Variants in CLIC6 observed in about 807,000 individuals in gnomAD.
CLIC6 encodes the protein CLIC family member 6, also known as chloride intracellular channel protein 6.
In CLIC6, 39 loss-of-function variants were observed where a neutral mutation model predicts 49.2. That is an observed-to-expected ratio of 0.79 (90% CI 0.61 to 1.04). CLIC6 has a LOEUF of 1.04. Ranked by LOEUF, CLIC6 falls within the 50% of genes least tolerant of loss-of-function variation. The pLI is 0.00. For missense variants in CLIC6, 988 were observed against 993.1 expected, an observed-to-expected ratio of 0.99 and a Z score of 0.07; for synonymous variants, 446 against 433.4, an observed-to-expected ratio of 1.03 and a Z score of -0.36.
At chr21:34,707,601 C>T (rs1267692911) in intron 2 of CLIC6, among the ~76,000 whole-genome samples, 4 of 152,090 alleles carry the variant, frequency 2.6e-5, no homozygotes, top group African/African-American at 7.2e-5. Flanking sequence ...TTGGGGGTGC[C>T]GTGAAGAACC....
Position 34,694,950 on chromosome 21 carries a change from G to A in CLIC6, c.1375-12330G>A, listed in dbSNP as rs146073817. 1.8e-3 allele frequency among the ~76,000 whole-genome samples: 277 copies of A among 152,358 alleles called. 1 individual carries two copies. The highest frequency in any genetic ancestry group is 6.3e-3 in the African/African-American group (260 of 41,576). ...TGATGAGTAGTTGACCTGCTGAACT[G>A]TGCTGGGGAAAAGTTGAGGATTCCC... On this transcript the variant is annotated intron_variant, in intron 1 of 5. Coordinates refer to ENST00000349499, the MANE Select transcript of CLIC6 (RefSeq NM_053277.3).
At chr21:34,714,307 A>G (rs1226365126) in intron 5 of CLIC6, among the ~76,000 whole-genome samples, 1 of 152,244 alleles carries the variant, frequency 6.6e-6, no homozygotes, top group Non-Finnish European at 1.5e-5. Flanking sequence ...CATTGGAAGG[A>G]GGATAATACA....
At chr21:34,714,350 T>C (rs1204865143) in intron 5 of CLIC6, among the ~76,000 whole-genome samples, 1 of 152,118 alleles carries the variant, frequency 6.6e-6, no homozygotes, top group Non-Finnish European at 1.5e-5. Flanking sequence ...ATACATAAAT[T>C]CCCTCATTTG....
intron 5 of CLIC6, among the ~76,000 whole-genome samples, chr21:34,715,619 A>G (rs2056081404): frequency 6.6e-6 from 1 of 152,240 alleles, no homozygotes; most frequent in Non-Finnish European, 1.5e-5. Flanking sequence ...AAACTGGTAC[A>G]GTCCCCAGTG....
chr21:34,672,961 C>T (rs193111799), intron 1 of CLIC6, among the ~76,000 whole-genome samples: 225 of 152,298 alleles, frequency 1.5e-3, no homozygotes, highest in Admixed American at 1.7e-3. Flanking sequence ...CTGTGCTGCT[C>T]GCATAACTTG....
At chr21:34,707,468 C>CACACCT (rs1184239105) in intron 2 of CLIC6, 79 bp downstream of exon 2, 36 of 888,040 alleles carry the variant, frequency 4.1e-5, no homozygotes, top group Non-Finnish European at 7.3e-6. Context: ...CACACACACA[C>CACACCT]ACCTGAGGCC....
intron 1 of CLIC6, among the ~76,000 whole-genome samples, chr21:34,699,935 G>A (rs2145812805): frequency 6.6e-6 from 1 of 152,190 alleles, no homozygotes; most frequent in Admixed American, 6.5e-5. Context: ...GGTAGGACTG[G>A]GCATGATGTT....
In CLIC6 at chr21:34,709,549, C is replaced by T; in HGVS notation, c.1899+11C>T. The T allele has an allele frequency of 6.2e-7, 1 of 1,612,466 alleles. No individual in the cohort carries two copies. The highest frequency in any genetic ancestry group is 8.5e-7 in the Non-Finnish European group (1 of 1,178,770). On this transcript the variant is annotated intron_variant, in intron 5 of 5. Coordinates refer to ENST00000349499, the MANE Select transcript of CLIC6 (RefSeq NM_053277.3). ...CTCCATATTATTAAGGTTCATCTTC[C>T]CTCCCGACACGTGTGCCGAGTACAC...
At chr21:34,693,975 CTTTTTT>C (rs71196904) in intron 1 of CLIC6, among the ~76,000 whole-genome samples, 3,757 of 124,612 alleles carry the variant, frequency 0.03, 67 homozygotes, top group Non-Finnish European at 0.042. Flanking sequence ...TTGTTGTTTT[CTTTTTT>C]TTTTTTTTTT....
At chr21:34,680,760 C>T (rs930486422) in intron 1 of CLIC6, among the ~76,000 whole-genome samples, 1 of 152,192 alleles carries the variant, frequency 6.6e-6, no homozygotes, top group Non-Finnish European at 1.5e-5. Flanking sequence ...TTCCCCATCC[C>T]CATTTGAGAC....
chr21:34,696,906 C>T (rs1304297353), intron 1 of CLIC6, among the ~76,000 whole-genome samples: 2 of 152,000 alleles, frequency 1.3e-5, no homozygotes, highest in African/African-American at 2.4e-5. Flanking sequence ...ATGTATGAAT[C>T]GATACTGATC....
chr21:34,709,072 C>T (rs1294664070), intron 4 of CLIC6, among the ~76,000 whole-genome samples: 2 of 152,218 alleles, frequency 1.3e-5, no homozygotes, highest in African/African-American at 4.8e-5. Flanking sequence ...GAATCATGTT[C>T]AATGATGTTT....
At chr21:34,709,170 C>A (rs1490156631) in intron 4 of CLIC6, among the ~76,000 whole-genome samples, 187 bp from the exon 5 acceptor site, 1 of 152,166 alleles carries the variant, frequency 6.6e-6, no homozygotes, top group East Asian at 1.9e-4. Flanking sequence ...GTGTAGACAG[C>A]AGTGTGATTT....
At position 34,716,213 on chromosome 21, in the gene CLIC6, G is replaced by A; in HGVS notation, c.1900-108G>A. ...GCCCGGATGACTGTGGGATGACATG[G>A]GAAACTGGGAAAGAATGTATTGCAT... On this transcript the variant is annotated intron_variant, in intron 5 of 5. Transcript: ENST00000349499. 4 of 942,480 alleles carry A rather than the reference G, an allele frequency of 4.2e-6. 1 individual carries two copies. Among genetic ancestry groups the A allele is most frequent in the Non-Finnish European group, 6.5e-6 (4 of 619,834 alleles). 58.4% of individuals were successfully genotyped at this position (942,480 alleles called of 1,614,324 possible).
intron 1 of CLIC6, among the ~76,000 whole-genome samples, chr21:34,696,255 A>G (rs1042578969): frequency 3.9e-5 from 6 of 152,320 alleles, no homozygotes; most frequent in African/African-American, 1.4e-4. Context: ...CAATGCCCCA[A>G]GCACACAGGG....
At chr21:34,676,998 C>T (rs1243729281) in intron 1 of CLIC6, among the ~76,000 whole-genome samples, 2 of 151,466 alleles carry the variant, frequency 1.3e-5, no homozygotes, top group Non-Finnish European at 2.9e-5. Context: ...ACATTTTCTT[C>T]ACAATATAGA....
intron 1 of CLIC6, among the ~76,000 whole-genome samples, chr21:34,676,587 C>T (rs974136701): frequency 6.6e-6 from 1 of 152,144 alleles, no homozygotes; most frequent in Admixed American, 6.5e-5. Context: ...ACATAACAGC[C>T]AGCCAGTTAA....
chr21:34,711,834 T>C (rs1479219742), intron 5 of CLIC6, among the ~76,000 whole-genome samples: 1 of 152,122 alleles, frequency 6.6e-6, no homozygotes, highest in Non-Finnish European at 1.5e-5. Flanking sequence ...TCCACCAATA[T>C]CCAAAATTTA....
chr21:34,703,640 C>T (rs1003853658), intron 1 of CLIC6, among the ~76,000 whole-genome samples: 4 of 151,980 alleles, frequency 2.6e-5, no homozygotes, highest in Admixed American at 6.6e-5. Flanking sequence ...TGAAAAGAGC[C>T]GGCAGGAGAG....
Sources: allele counts gnomAD v4.1 joint callset (sites outside exome capture counted in the v4.1 genomes callset), GRCh38; gene constraint gnomAD v4.1.1; transcripts MANE v1.5; gene names NCBI Gene and HGNC (gene_info 2026-07-23, HGNC 2026-07-21).